SLC18A1: variants seen among roughly 807,000 people sequenced by gnomAD.
The protein encoded by SLC18A1 is chromaffin granule amine transporter.
SLC18A1 carries 69 observed loss-of-function variants against 53.7 expected under a neutral mutation model. The observed-to-expected ratio is 1.28, with a 90% CI of 1.06 to 1.57. SLC18A1 has a LOEUF of 1.57. Ranked by LOEUF, SLC18A1 falls within the 40% of genes most tolerant of loss-of-function variation. The probability of loss-of-function intolerance (pLI) is 0.00; values close to 1 mark genes in which losing one functional copy is unlikely to be tolerated. For missense variants in SLC18A1, 932 were observed against 668.1 expected, an observed-to-expected ratio of 1.40 and a Z score of -4.35; for synonymous variants, 320 against 248.1, an observed-to-expected ratio of 1.29 and a Z score of -2.72.
At chr8:20,175,484 C>G (rs144554312) in intron 4 of SLC18A1, 4 of 152,250 alleles carry the variant, frequency 2.6e-5, no homozygotes, top group African/African-American at 9.6e-5. Context: ...GCAGTAAAGA[C>G]AAGTGTGAGA....
At chr8:20,149,805 C>G in intron 11 of SLC18A1, 78 bp from the exon 12 acceptor site, 1 of 1,363,962 alleles carries the variant, frequency 7.3e-7, no homozygotes, top group Non-Finnish European at 1.0e-6. Context: ...GCCATGCTGA[C>G]CTGTCCCACC....
At chr8:20,179,026 A>G (rs2072334680) in intron 3 of SLC18A1, 95 bp downstream of exon 3, 3 of 1,421,774 alleles carry the variant, frequency 2.1e-6, no homozygotes, top group East Asian at 2.3e-5. Context: ...CATACAAGTG[A>G]GTATTTCTTC....
chr8:20,159,248 G>A (rs760413503), intron 10 of SLC18A1, among the ~76,000 whole-genome samples: 1 of 152,104 alleles, frequency 6.6e-6, no homozygotes, highest in Non-Finnish European at 1.5e-5. Flanking sequence ...AGCAGTTAGA[G>A]CGGTCATCAG....
chr8:20,180,046 T>C (rs2072383462), intron 2 of SLC18A1, among the ~76,000 whole-genome samples: 1 of 152,124 alleles, frequency 6.6e-6, no homozygotes, highest in Non-Finnish European at 1.5e-5. Flanking sequence ...ACTTCTGAAC[T>C]TCTTTTTCTC....
intron 12 of SLC18A1, 81 bp downstream of exon 12, chr8:20,149,594 CT>C: frequency 8.4e-6 from 8 of 948,292 alleles, no homozygotes; most frequent in South Asian, 3.5e-5. Flanking sequence ...CTCTCCCTCT[CT>C]CTCTCTCTCT....
Position 20,171,429 on chromosome 8 carries a change from C to G in SLC18A1, c.790G>C (p.Ala264Pro). Reference sequence around the variant, plus strand: ...CCTCCATCCAGTAGTGCCAGGAAGGCCAGGATGAGGAAGGGTGCAGACTTC... The same window carrying G: ...CCTCCATCCAGTAGTGCCAGGAAGGGCAGGATGAGGAAGGGTGCAGACTTC... ...VGKSAPFLIL[A>P]FLALLDGALQ... Residue 264 changes from alanine to proline, a missense_variant, in exon 7 of 16, where the codon GCC becomes CCC. Ala to Pro is a conservative substitution (Grantham distance 27). Transcript: ENST00000276373. The G allele has an allele frequency of 2.5e-6, 4 of 1,614,034 alleles. No homozygotes were observed. The highest frequency in any genetic ancestry group is 2.5e-6 in the Non-Finnish European group (3 of 1,179,962).
chr8:20,167,680 G>C (rs1038091610), intron 8 of SLC18A1, among the ~76,000 whole-genome samples: 2 of 152,038 alleles, frequency 1.3e-5, no homozygotes, highest in East Asian at 3.9e-4. Flanking sequence ...GAGTGCAGTG[G>C]CATGATCTTG....
At chr8:20,178,749 T>C (rs1169300337) in intron 3 of SLC18A1, among the ~76,000 whole-genome samples, 3 of 152,144 alleles carry the variant, frequency 2.0e-5, no homozygotes, top group African/African-American at 4.8e-5. Flanking sequence ...TGTATATCTC[T>C]TGAAAATATC....
chr8:20,173,150 C>G (rs1050498154), intron 5 of SLC18A1, 22 bp from the exon 6 acceptor site: 6 of 1,545,664 alleles, frequency 3.9e-6, no homozygotes, highest in Non-Finnish European at 5.3e-6. Flanking sequence ...GTTACAGATG[C>G]AGCTGGCCCC....
chr8:20,165,261 G>T (rs1165013085), intron 8 of SLC18A1, among the ~76,000 whole-genome samples, 154 bp from the exon 9 acceptor site: 1 of 152,202 alleles, frequency 6.6e-6, no homozygotes, highest in South Asian at 2.1e-4. Flanking sequence ...GGGAGAGAAA[G>T]TGACTTGTCT....
chr8:20,164,734 C>A lies in SLC18A1; in HGVS notation c.1015+135G>T, dbSNP rs1186134497. 6.1e-6 allele frequency: 4 copies of A among 657,518 alleles called. No individual in the cohort carries two copies. In the African/African-American group the frequency reaches 7.3e-5, roughly 12 times the overall value. 40.7% of individuals were successfully genotyped at this position (657,518 alleles called of 1,614,324 possible). A position where few individuals can be genotyped will look rare whatever the true frequency, so the allele number is the denominator to read the frequency against. On this transcript the variant is annotated intron_variant, in intron 10 of 15. Transcript: ENST00000276373. Reference sequence around the variant, plus strand: ...CTGAGGGACCACACACCCTCTTGGGCTTGATTCATGGGTGTGGACGTGGGA... The same window carrying A: ...CTGAGGGACCACACACCCTCTTGGGATTGATTCATGGGTGTGGACGTGGGA...
intron 4 of SLC18A1, among the ~76,000 whole-genome samples, chr8:20,177,579 G>A (rs1043153405): frequency 6.6e-6 from 1 of 152,176 alleles, no homozygotes; most frequent in African/African-American, 2.4e-5. Context: ...CATGGCACAT[G>A]TATACATACG....
At chr8:20,155,109 G>C (rs1323326113) in intron 10 of SLC18A1, among the ~76,000 whole-genome samples, 1 of 152,122 alleles carries the variant, frequency 6.6e-6, no homozygotes, top group Non-Finnish European at 1.5e-5. Context: ...TCCATTCCTT[G>C]GAATCTGTGA....
intron 10 of SLC18A1, among the ~76,000 whole-genome samples, chr8:20,154,920 G>A (rs1430052044): frequency 1.3e-5 from 2 of 152,114 alleles, no homozygotes; most frequent in African/African-American, 4.8e-5. Context: ...CTGCACTTCT[G>A]ATCCAGCAAG....
In SLC18A1 at chr8:20,145,781, C is replaced by T; in HGVS notation, c.1560G>A (p.Glu520=). 6.2e-7 allele frequency: 1 copy of T among 1,608,614 alleles called. No homozygotes were observed. Residue 520 remains glutamate (E), a synonymous_variant, in exon 16 of 16, where the codon GAG becomes GAA. Coordinates refer to ENST00000276373, the MANE Select transcript of SLC18A1 (RefSeq NM_003053.4). ...TCTGCTGCTACTCCTCATGGTCAGG[C>T]TCCTCATCACTGTCCTCCCCCAGAG... ...EFPLGEDSDE[E]PDHEE
rs1382305558 is a variant in SLC18A1 at position 20,173,040 on chromosome 8, C to A, written c.720G>T (p.Leu240Phe). 1.9e-6 allele frequency: 3 copies of A among 1,585,564 alleles called. No individual in the cohort carries two copies. Among genetic ancestry groups the A allele is most frequent in the Non-Finnish European group, 2.6e-6 (3 of 1,166,274 alleles). The part of the protein sequence containing the change: ...GTALGGLALG[L>F]LVGAPFGSVM... ...GCTCCAGCTGGTGCCACTTACCCAG[C>A]AACCCCAAGGCCAGGCCCCCCAGAG... is the stretch of plus-strand genomic sequence containing the variant. Residue 240 changes from leucine to phenylalanine, a missense_variant, in exon 6 of 16, where the codon TTG (leucine) becomes TTT (phenylalanine). By Grantham distance (22) the Leu-to-Phe change is conservative (BLOSUM62 0). Transcript: ENST00000276373.
chr8:20,180,756 T>C (rs2072404439), intron 2 of SLC18A1, 85 bp downstream of exon 2: 1 of 1,527,808 alleles, frequency 6.5e-7, no homozygotes, highest in African/African-American at 1.4e-5. Flanking sequence ...CTCAGATGGA[T>C]TCACTGTTGA....
rs1276355572 is a variant in SLC18A1 at position 20,181,006 on chromosome 8, A to C, written c.-42T>G. ...GGGCAGTCTTCCCCTGCGGGCTCTT[A>C]GGGAAGGTCCTGTGACAGCTACAGG... On this transcript the variant is annotated 5_prime_UTR_variant, in exon 2 of 16. Transcript: ENST00000276373. 6.5e-7 allele frequency: 1 copy of C among 1,546,044 alleles called. No individual in the cohort carries two copies. The highest frequency in any genetic ancestry group is 8.7e-7 in the Non-Finnish European group (1 of 1,143,654).
chr8:20,164,072 C>A (rs75783395), intron 10 of SLC18A1, among the ~76,000 whole-genome samples: 1 of 152,022 alleles, frequency 6.6e-6, no homozygotes, highest in Admixed American at 6.5e-5. Flanking sequence ...TTAGAATTGC[C>A]CCCCCAAAAT....
Sources: allele counts gnomAD v4.1 joint callset (sites outside exome capture counted in the v4.1 genomes callset), GRCh38; gene constraint gnomAD v4.1.1; transcripts MANE v1.5; gene names NCBI Gene and HGNC (gene_info 2026-07-23, HGNC 2026-07-21).